The following ACOXL variants were observed in gnomAD, a reference collection of about 807,000 sequenced individuals.
The protein encoded by ACOXL is acyl-CoA oxidase like.
Under a neutral mutation model 71.9 loss-of-function variants are expected in ACOXL, and 70 were observed. The ratio of observed to expected loss-of-function variants is 0.97; its 90% CI spans 0.80 to 1.19. ACOXL has a LOEUF of 1.19. Ranked by LOEUF, ACOXL falls within the 50% of genes most tolerant of loss-of-function variation. The pLI is 0.00. For missense variants in ACOXL, 703 were observed against 736.3 expected (o/e 0.95, Z 0.52); for synonymous variants, 253 against 281.6 (o/e 0.90, Z 1.02).
chr2:110,747,335 C>T (rs959714797), intron 1 of ACOXL, among the ~76,000 whole-genome samples: 1 of 152,104 alleles, frequency 6.6e-6, no homozygotes, highest in African/African-American at 2.4e-5. Context: ...CAGCCAGAAA[C>T]AAGGAGCCTG....
chr2:110,896,376 A>G (rs2059007723), intron 10 of ACOXL, among the ~76,000 whole-genome samples: 1 of 152,208 alleles, frequency 6.6e-6, no homozygotes, highest in South Asian at 2.1e-4. Flanking sequence ...AAGCCCTAAC[A>G]TATCAATAAT....
Position 110,794,113 on chromosome 2 carries a change from G to A in ACOXL, c.284G>A (p.Arg95Lys), listed in dbSNP as rs373516630. The A allele has an allele frequency of 1.9e-6, 3 of 1,614,084 alleles. No homozygotes were observed. The highest frequency in any genetic ancestry group is 2.5e-6 in the Non-Finnish European group (3 of 1,180,046). Reference protein sequence around the residue: ...KYTGMFAMTERGHGSNARGIQ... With the variant: ...KYTGMFAMTEKGHGSNARGIQ... ...ACTGGGATGTTTGCAATGACCGAGA[G>A]GGGCCATGGGAGCAACGCGAGAGGG... Residue 95 changes from arginine (R) to lysine (K), a missense_variant, in exon 5 of 18, where the codon AGG becomes AAG. Coordinates refer to ENST00000439055, the MANE Select transcript of ACOXL (RefSeq NM_001142807.4).
intron 12 of ACOXL, among the ~76,000 whole-genome samples, chr2:110,958,049 CAAA>C (rs35899146): frequency 9.8e-4 from 94 of 96,100 alleles, no homozygotes; most frequent in African/African-American, 1.3e-3. Flanking sequence ...GACTCCGTCT[CAAA>C]AAAAAAAAAA....
chr2:110,948,076 C>T (rs954684259), intron 12 of ACOXL, among the ~76,000 whole-genome samples: 3 of 152,196 alleles, frequency 2.0e-5, no homozygotes, highest in Admixed American at 6.5e-5. Flanking sequence ...CTCCTCAGTG[C>T]GTTCCAGAAT....
At chr2:110,872,863 G>A (rs1381021376) in intron 10 of ACOXL, among the ~76,000 whole-genome samples, 1 of 152,208 alleles carries the variant, frequency 6.6e-6, no homozygotes, top group Non-Finnish European at 1.5e-5. Context: ...CTCCTGAAGG[G>A]CTTGTTCCTG....
intron 9 of ACOXL, among the ~76,000 whole-genome samples, chr2:110,807,270 A>T (rs768121087): frequency 1.4e-4 from 21 of 152,204 alleles, no homozygotes; most frequent in Non-Finnish European, 2.8e-4. Context: ...TTCATGTGTG[A>T]AATGGGTCTT....
intron 12 of ACOXL, among the ~76,000 whole-genome samples, chr2:110,936,850 ATTT>A (rs34395577): frequency 2.1e-5 from 3 of 141,286 alleles, no homozygotes. Context: ...TATTTTAGGG[ATTT>A]TTTTTTTTTT....
At chr2:111,002,479 G>T (rs1187699055) in intron 14 of ACOXL, among the ~76,000 whole-genome samples, 4 of 152,134 alleles carry the variant, frequency 2.6e-5, no homozygotes, top group African/African-American at 9.7e-5. Flanking sequence ...ATAAAAACAT[G>T]ATTGCATGAG....
chr2:110,849,445 C>CA (rs1054005015), intron 10 of ACOXL, among the ~76,000 whole-genome samples: 3 of 152,072 alleles, frequency 2.0e-5, no homozygotes, highest in African/African-American at 7.2e-5. Flanking sequence ...CAAGATAATT[C>CA]AAAAAATTTT....
intron 16 of ACOXL, among the ~76,000 whole-genome samples, chr2:111,068,083 A>AC (rs2067158274): frequency 6.6e-6 from 1 of 151,764 alleles, no homozygotes; most frequent in Admixed American, 6.6e-5. Flanking sequence ...CTCCCCACCC[A>AC]CCCCCTATAC....
At chr2:110,752,898 G>T (rs1038893832) in intron 1 of ACOXL, among the ~76,000 whole-genome samples, 17 of 152,116 alleles carry the variant, frequency 1.1e-4, no homozygotes, top group Non-Finnish European at 2.9e-5. Context: ...CCATAAGGTT[G>T]CATTTAGGAT....
intron 3 of ACOXL, among the ~76,000 whole-genome samples, chr2:110,791,732 C>T (rs908972625): frequency 6.6e-6 from 1 of 152,194 alleles, no homozygotes; most frequent in Non-Finnish European, 1.5e-5. Flanking sequence ...GTCCGAGCTG[C>T]TAGAGTTGAT....
At chr2:111,016,281 G>A (rs546103559) in intron 14 of ACOXL, among the ~76,000 whole-genome samples, 5 of 152,070 alleles carry the variant, frequency 3.3e-5, no homozygotes, top group Non-Finnish European at 7.4e-5. Context: ...TGAGGGGAGA[G>A]GGTGGTACTG....
chr2:110,813,338 G>A (rs1243884105), intron 9 of ACOXL, among the ~76,000 whole-genome samples: 3 of 152,186 alleles, frequency 2.0e-5, no homozygotes. Context: ...CTTGGGTTGT[G>A]GCAGTGGCAG....
Position 110,968,191 on chromosome 2 carries a change from G to A in ACOXL, c.1060-18917G>A. On this transcript the variant is annotated intron_variant, in intron 12 of 17. Transcript: ENST00000439055. ...TAGGTTTGGCACAGACAACATCTATGAAGGCCAAGTGTAGGTGACTGGCAA... is the reference window on the plus strand; with the variant it reads ...TAGGTTTGGCACAGACAACATCTATAAAGGCCAAGTGTAGGTGACTGGCAA... 2.7e-6 allele frequency: 3 copies of A among 1,124,336 alleles called. No individual in the cohort carries two copies. The South Asian group carries it at 3.7e-5, about 14-fold the overall frequency. 69.6% of individuals were successfully genotyped at this position (1,124,336 alleles called of 1,614,324 possible). A position where few individuals can be genotyped will look rare whatever the true frequency, so the allele number is the denominator to read the frequency against.
At chr2:111,086,319 A>G (rs1343381932) in intron 16 of ACOXL, among the ~76,000 whole-genome samples, 1 of 152,186 alleles carries the variant, frequency 6.6e-6, no homozygotes, top group Non-Finnish European at 1.5e-5. Context: ...TACTCAACAA[A>G]ATCTTAGCAA....
chr2:110,862,132 C>T (rs956501101), intron 10 of ACOXL, among the ~76,000 whole-genome samples: 9 of 152,190 alleles, frequency 5.9e-5, no homozygotes, highest in Non-Finnish European at 1.2e-4. Flanking sequence ...TTGGCATACA[C>T]CTGCTCACTG....
At chr2:110,992,370 G>A (rs1426397026) in intron 13 of ACOXL, among the ~76,000 whole-genome samples, 3 of 152,128 alleles carry the variant, frequency 2.0e-5, no homozygotes, top group East Asian at 1.9e-4. Context: ...ACTGTGTACC[G>A]GGCACTTCTC....
chr2:110,948,940 T>A (rs930448440), intron 12 of ACOXL, among the ~76,000 whole-genome samples: 4 of 145,016 alleles, frequency 2.8e-5, no homozygotes, highest in Non-Finnish European at 6.1e-5. Context: ...TTTAAATACC[T>A]CACAGCAACC....
Sources: allele counts gnomAD v4.1 joint callset (sites outside exome capture counted in the v4.1 genomes callset), GRCh38; gene constraint gnomAD v4.1.1; transcripts MANE v1.5; gene names NCBI Gene and HGNC (gene_info 2026-07-23, HGNC 2026-07-21).